The following KIF26B variants were observed in gnomAD, a reference collection of about 807,000 sequenced individuals.
KIF26B encodes the protein kinesin-like protein KIF26B.
A neutral mutation model predicts 151.2 loss-of-function variants in KIF26B; 63 were observed. The observed-to-expected ratio is 0.42, with a 90% CI of 0.34 to 0.51. KIF26B has a LOEUF of 0.51. KIF26B is among the 20% of genes least tolerant of loss of function. The probability of loss-of-function intolerance (pLI) is 0.07; values close to 1 mark genes in which losing one functional copy is unlikely to be tolerated. For synonymous variants in KIF26B, 1,357 were observed against 1,262.1 expected (o/e 1.08, Z -1.59); for missense variants, 2,813 against 2,913.6 (o/e 0.97, Z 0.79).
intron 4 of KIF26B, among the ~76,000 whole-genome samples, chr1:245,438,147 T>G (rs75625165): frequency 0.022 from 3,389 of 152,240 alleles, 103 homozygotes; most frequent in African/African-American, 0.068. Flanking sequence ...AGCTGGTCTG[T>G]TGGATGAATT....
chr1:245,219,742 CA>C (rs1026647792), intron 2 of KIF26B, among the ~76,000 whole-genome samples: 3 of 151,428 alleles, frequency 2.0e-5, no homozygotes, highest in African/African-American at 7.3e-5. Flanking sequence ...CCCTCCACCC[CA>C]AAAAAAAGAA....
At chr1:245,175,904 A>C (rs190644768) in intron 2 of KIF26B, among the ~76,000 whole-genome samples, 144 of 149,554 alleles carry the variant, frequency 9.6e-4, no homozygotes, top group Admixed American at 2.3e-3. Context: ...CTCAAAACAT[A>C]TATATCTATA....
intron 3 of KIF26B, among the ~76,000 whole-genome samples, chr1:245,400,791 AT>A (rs1356549618): frequency 6.6e-6 from 1 of 152,038 alleles, no homozygotes; most frequent in Non-Finnish European, 1.5e-5. Flanking sequence ...TTTCTTTTTA[AT>A]TTTTTGATGT....
intron 3 of KIF26B, among the ~76,000 whole-genome samples, chr1:245,416,380 T>C (rs1030276055): frequency 1.3e-4 from 20 of 151,990 alleles, no homozygotes; most frequent in Admixed American, 3.3e-4. Context: ...TTTACGTAGA[T>C]ACACGTGAGC....
chr1:245,689,295 G>T (rs1225507679), intron 12 of KIF26B, among the ~76,000 whole-genome samples: 1 of 152,194 alleles, frequency 6.6e-6, no homozygotes, highest in Non-Finnish European at 1.5e-5. Flanking sequence ...TCAGGTGAGG[G>T]TACCTACCCT....
At chr1:245,254,032 G>A (rs539702706) in intron 2 of KIF26B, among the ~76,000 whole-genome samples, 99 of 151,854 alleles carry the variant, frequency 6.5e-4, no homozygotes, top group African/African-American at 2.0e-3. Flanking sequence ...GGATGGTCTC[G>A]ATCTCCTGAC....
At chr1:245,260,224 G>T (rs6428909) in intron 2 of KIF26B, among the ~76,000 whole-genome samples, 65,322 of 151,920 alleles carry the variant, frequency 0.43, 14,811 homozygotes, top group East Asian at 0.62. Flanking sequence ...CGGTAGAAGC[G>T]TGGCCTGCAG....
intron 5 of KIF26B, among the ~76,000 whole-genome samples, chr1:245,593,092 A>G (rs2043305853): frequency 2.0e-5 from 3 of 152,162 alleles, no homozygotes; most frequent in Admixed American, 2.0e-4. Context: ...CTTCCTTTGG[A>G]AGAAGCAATT....
chr1:245,310,159 ATCTC>A (rs942103707), intron 2 of KIF26B, among the ~76,000 whole-genome samples: 38 of 149,712 alleles, frequency 2.5e-4, no homozygotes, highest in Middle Eastern at 3.5e-3. Context: ...ATCAATAAAT[ATCTC>A]TCTCTCACTA....
At chr1:245,594,000 C>G (rs1439869002) in intron 5 of KIF26B, among the ~76,000 whole-genome samples, 1 of 152,158 alleles carries the variant, frequency 6.6e-6, no homozygotes, top group Non-Finnish European at 1.5e-5. Context: ...ATATCCTTCT[C>G]CCGCTTTTTG....
At chr1:245,483,560 G>T (rs1161889704) in intron 4 of KIF26B, among the ~76,000 whole-genome samples, 1 of 151,908 alleles carries the variant, frequency 6.6e-6, no homozygotes, top group Non-Finnish European at 1.5e-5. Context: ...TTGTTAACAA[G>T]AAATTTTGCT....
In KIF26B at chr1:245,687,739, C is replaced by T; in HGVS notation, c.4756C>T (p.His1586Tyr). The change falls in exon 12 of 15, where the codon CAC becomes TAC. Residue 1586 changes from histidine to tyrosine, a missense_variant. By Grantham distance (83) the His-to-Tyr change is moderately conservative. This residue lies in a region of KIF26B where 2,060 missense variants were observed against 2,088.6 expected (regional missense o/e 0.99). Transcript: ENST00000407071. The surrounding 1 kb of genome is among the most constrained non-coding windows in gnomAD (Gnocchi z 4.9). ...GGAGGGGAAGGTGGCTTCCCCCAAGCACTGTGTTCTGGCTCGGCCCAAAGG... is the reference window on the plus strand; with the variant it reads ...GGAGGGGAAGGTGGCTTCCCCCAAGTACTGTGTTCTGGCTCGGCCCAAAGG... Reference protein sequence around the residue: ...TLEGKVASPKHCVLARPKGTP... With the variant: ...TLEGKVASPKYCVLARPKGTP... 1 of 1,578,382 alleles carries T rather than the reference C, an allele frequency of 6.3e-7. No homozygotes were observed. Among genetic ancestry groups the T allele is most frequent in the Non-Finnish European group, 8.6e-7 (1 of 1,162,512 alleles).
chr1:245,645,708 T>C (rs1248299286), intron 9 of KIF26B, among the ~76,000 whole-genome samples: 3 of 152,166 alleles, frequency 2.0e-5, no homozygotes, highest in African/African-American at 7.2e-5. Context: ...TGTATAACGA[T>C]CAACCAAAGC....
At chr1:245,323,354 C>G (rs1374491662) in intron 2 of KIF26B, among the ~76,000 whole-genome samples, 1 of 152,134 alleles carries the variant, frequency 6.6e-6, no homozygotes, top group Non-Finnish European at 1.5e-5. Context: ...GTTATGGTTC[C>G]TGAAACTTGA....
At position 245,399,782 on chromosome 1, in the gene KIF26B, C is replaced by T. The variant is rs559648332; in HGVS notation, c.1000-19797C>T. ...AACTTGCTTAAGATGCACCAATATGCATTATTAAATATAATAACACATCAA... is the reference window on the plus strand; with the variant it reads ...AACTTGCTTAAGATGCACCAATATGTATTATTAAATATAATAACACATCAA... On this transcript the variant is annotated intron_variant, in intron 3 of 14. Transcript: ENST00000407071. Among the ~76,000 whole-genome samples the T allele has an allele frequency of 2.6e-5, 4 of 152,272 alleles. No individual in the cohort carries two copies. In the East Asian group the frequency reaches 7.7e-4, roughly 29 times the overall value.
intron 4 of KIF26B, among the ~76,000 whole-genome samples, chr1:245,474,450 C>T (rs1193080319): frequency 1.2e-4 from 17 of 140,882 alleles, no homozygotes; most frequent in African/African-American, 3.7e-4. Flanking sequence ...CTCACTCTGT[C>T]GCCTGGGCTG....
chr1:245,539,796 G>T lies in KIF26B; in HGVS notation c.1167-971G>T, dbSNP rs572522273. On this transcript the variant is annotated intron_variant, in intron 4 of 14. Transcript: ENST00000407071. The stretch of plus-strand genomic sequence containing the variant: ...GCCTCCCGAATAGCTGGGATTACAG[G>T]CATGCACCACCACACCCGGCTAATT... 2.0e-3 allele frequency among the ~76,000 whole-genome samples: 303 copies of T among 152,228 alleles called. 1 individual carries two copies. Among genetic ancestry groups the T allele is most frequent in the South Asian group, 2.9e-3 (14 of 4,814 alleles).
intron 4 of KIF26B, among the ~76,000 whole-genome samples, chr1:245,443,864 C>T (rs1396699519): frequency 2.6e-5 from 1 of 38,492 alleles, no homozygotes; most frequent in African/African-American, 1.0e-4. Context: ...GTTCACCCTG[C>T]GGTCATCTCC....
At chr1:245,222,052 A>T (rs1669784859) in intron 2 of KIF26B, among the ~76,000 whole-genome samples, 2 of 152,244 alleles carry the variant, frequency 1.3e-5, no homozygotes, top group Admixed American at 1.3e-4. Flanking sequence ...TCTAGAGTAC[A>T]TTCTCAGTTC....
Sources: allele counts gnomAD v4.1 joint callset (sites outside exome capture counted in the v4.1 genomes callset), GRCh38; gene constraint gnomAD v4.1.1; regional missense constraint gnomAD v4.1.1; non-coding constraint Gnocchi (gnomAD v3.1); transcripts MANE v1.5; gene names NCBI Gene and HGNC (gene_info 2026-07-23, HGNC 2026-07-21).